Variants in PIK3C3 observed in about 807,000 individuals in gnomAD.
PIK3C3 encodes PI3-kinase type 3.
Under a neutral mutation model 126.1 loss-of-function variants are expected in PIK3C3, and 95 were observed. The observed-to-expected ratio is 0.75, with a 90% CI of 0.64 to 0.89. The LOEUF (loss-of-function observed/expected upper bound fraction) is 0.89, where lower values mean the gene tolerates loss of function less well. PIK3C3 is among the 40% of genes least tolerant of loss of function. The pLI is 0.00. For synonymous variants in PIK3C3, 374 were observed against 360.0 expected, an observed-to-expected ratio of 1.04 and a Z score of -0.44; for missense variants, 829 against 1,063.2, an observed-to-expected ratio of 0.78 and a Z score of 3.06.
intron 9 of PIK3C3, among the ~76,000 whole-genome samples, 181 bp from the exon 10 acceptor site, chr18:42,004,175 T>C (rs1168655498): frequency 6.6e-6 from 1 of 152,184 alleles, no homozygotes; most frequent in Non-Finnish European, 1.5e-5. Context: ...GGGAACATGC[T>C]TTTTTTCTGT....
At chr18:42,015,615 G>A in intron 12 of PIK3C3, 49 bp downstream of exon 12, 1 of 1,279,364 alleles carries the variant, frequency 7.8e-7, no homozygotes, top group East Asian at 2.3e-5. Flanking sequence ...CCTACTGCAT[G>A]AACATTTTAT....
At chr18:42,029,581 C>T (rs1404213589) in intron 15 of PIK3C3, 140 bp downstream of exon 15, 10 of 500,940 alleles carry the variant, frequency 2.0e-5, no homozygotes, top group East Asian at 1.0e-4. Context: ...CTCACTCTGT[C>T]GCCCAGGTTG....
chr18:42,053,361 T>A (rs1025827838), intron 21 of PIK3C3, among the ~76,000 whole-genome samples: 3 of 152,320 alleles, frequency 2.0e-5, no homozygotes, highest in East Asian at 3.9e-4. Context: ...TGAAGTTTAC[T>A]CAGCTTGCAC....
intron 22 of PIK3C3, among the ~76,000 whole-genome samples, chr18:42,064,333 C>T (rs535268739): frequency 6.6e-6 from 1 of 152,246 alleles, no homozygotes; most frequent in East Asian, 1.9e-4. Flanking sequence ...TTAGCCATGA[C>T]ACACTGAGGT....
chr18:42,084,089 T>C lies in PIK3C3; in HGVS notation c.*2952T>C, dbSNP rs1328982095. 1 of 152,230 alleles carries C rather than the reference T, an allele frequency of 6.6e-6. No homozygotes were observed. The highest frequency in any genetic ancestry group is 1.5e-5 in the Non-Finnish European group (1 of 68,034). The allele number at this position is 152,230 out of a possible 1,614,324, so 9.4% of individuals were successfully genotyped here. On this transcript the variant is annotated 3_prime_UTR_variant, in exon 25 of 25. Transcript: ENST00000262039. The stretch of plus-strand genomic sequence containing the variant: ...AGGTGTTGTGTCATCATGCCACATA[T>C]TCATACTTTCCTTGGGTTGGAAAAT...
At chr18:42,012,355 A>G (rs930496294) in intron 10 of PIK3C3, among the ~76,000 whole-genome samples, 1 of 152,180 alleles carries the variant, frequency 6.6e-6, no homozygotes, top group Non-Finnish European at 1.5e-5. Flanking sequence ...TACAAATAGG[A>G]AAGTGTGGAC....
chr18:42,014,808 G>C (rs751411164), intron 11 of PIK3C3, among the ~76,000 whole-genome samples: 45 of 152,162 alleles, frequency 3.0e-4, no homozygotes, highest in Non-Finnish European at 4.6e-4. Flanking sequence ...TATGTTGTGT[G>C]TTTTATTTGG....
intron 3 of PIK3C3, among the ~76,000 whole-genome samples, chr18:41,967,052 T>C (rs913749511): frequency 6.6e-6 from 1 of 152,130 alleles, no homozygotes; most frequent in African/African-American, 2.4e-5. Flanking sequence ...TTTTTTTTTT[T>C]CCTCTCTGTC....
At chr18:42,034,129 G>T (rs1012519775) in intron 16 of PIK3C3, among the ~76,000 whole-genome samples, 172 bp downstream of exon 16, 4 of 152,130 alleles carry the variant, frequency 2.6e-5, no homozygotes, top group Admixed American at 2.0e-4. Context: ...TTTGATTTAA[G>T]ATCTTCTTTT....
Position 42,040,126 on chromosome 18 carries a change from CCTT to C in PIK3C3, c.2039-546_2039-544del, listed in dbSNP as rs1030775415. ...CAGACTTATCAGACTGACTTTTTCT[CCTT>C]CTTCCACATACTGTCTGTCCCCTTT... On this transcript the variant is annotated intron_variant, in intron 18 of 24. Coordinates refer to ENST00000262039, the MANE Select transcript of PIK3C3 (RefSeq NM_002647.4). Among the ~76,000 whole-genome samples, 32 of 145,544 alleles carry C rather than the reference CCTT, an allele frequency of 2.2e-4. No individual in the cohort carries two copies. In the South Asian group the frequency reaches 2.6e-3, roughly 12 times the overall value.
chr18:41,982,416 ATAC>A lies in PIK3C3; in HGVS notation c.532-5394_532-5392del, dbSNP rs1239369746. ...AGAAAGTGAGAGAGCAATCAAGTTT[ATAC>A]TTGGATTTTATTTCAGGTGGTTAAG... On this transcript the variant is annotated intron_variant, in intron 4 of 24. Transcript: ENST00000262039. 8.5e-5 allele frequency among the ~76,000 whole-genome samples: 13 copies of A among 152,304 alleles called. No individual in the cohort carries two copies. The East Asian group carries it at 1.9e-3, about 23-fold the overall frequency.
chr18:42,057,758 A>G (rs1985135931), intron 21 of PIK3C3, 125 bp from the exon 22 acceptor site: 1 of 815,608 alleles, frequency 1.2e-6, no homozygotes, highest in Non-Finnish European at 1.9e-6. Context: ...GAAGAATTTA[A>G]TAGGCTTCAT....
chr18:41,991,678 TAC>T (rs1282869238), intron 6 of PIK3C3, among the ~76,000 whole-genome samples: 1 of 152,214 alleles, frequency 6.6e-6, no homozygotes, highest in South Asian at 2.1e-4. Context: ...TTTGAGTTTT[TAC>T]AGTTTATTTA....
intron 4 of PIK3C3, chr18:41,985,231 A>G (rs1037548769): frequency 6.6e-6 from 1 of 152,152 alleles, no homozygotes; most frequent in Non-Finnish European, 1.5e-5. Context: ...GATTTTGCCA[A>G]AAAAAAGATA....
chr18:42,053,502 G>T (rs1486288386), intron 21 of PIK3C3, among the ~76,000 whole-genome samples: 1 of 152,138 alleles, frequency 6.6e-6, no homozygotes, highest in African/African-American at 2.4e-5. Context: ...TTACTTATTA[G>T]TGCATTACTA....
intron 21 of PIK3C3, among the ~76,000 whole-genome samples, chr18:42,052,280 A>C (rs1984841005): frequency 6.6e-6 from 1 of 152,122 alleles, no homozygotes; most frequent in Admixed American, 6.5e-5. Context: ...AATTGAATTA[A>C]ATTTCAGAAA....
intron 10 of PIK3C3, among the ~76,000 whole-genome samples, chr18:42,012,280 C>G (rs908624236): frequency 6.6e-6 from 1 of 151,930 alleles, no homozygotes; most frequent in African/African-American, 2.4e-5. Flanking sequence ...CAGGTGGTCT[C>G]TGTCCTCCTG....
intron 24 of PIK3C3, 99 bp downstream of exon 24, chr18:42,067,612 T>A (rs965537723): frequency 2.3e-6 from 3 of 1,331,974 alleles, no homozygotes; most frequent in Admixed American, 4.5e-5. Flanking sequence ...TGACATCTTT[T>A]CTGTTTTTCT....
chr18:42,054,432 G>T (rs915724643), intron 21 of PIK3C3, among the ~76,000 whole-genome samples: 3 of 151,352 alleles, frequency 2.0e-5, no homozygotes, highest in Non-Finnish European at 2.9e-5. Context: ...TGATTAGTTT[G>T]TGCCCATCTA....
Sources: allele counts gnomAD v4.1 joint callset (sites outside exome capture counted in the v4.1 genomes callset), GRCh38; gene constraint gnomAD v4.1.1; transcripts MANE v1.5; gene names NCBI Gene and HGNC (gene_info 2026-07-23, HGNC 2026-07-21).